Variants in DPH6 observed in about 807,000 individuals in gnomAD.
DPH6 encodes the protein diphthine--ammonia ligase.
Under a neutral mutation model 38.2 loss-of-function variants are expected in DPH6, and 33 were observed. That is an observed-to-expected ratio of 0.86 (90% CI 0.65 to 1.15). The LOEUF is 1.15. Among genes scored for constraint, DPH6 ranks in the 50% most tolerant of loss-of-function variants. The pLI is 0.00. For synonymous variants in DPH6, 108 were observed against 103.0 expected (o/e 1.05, Z -0.30); for missense variants, 325 against 320.0 (o/e 1.02, Z -0.12).
intron 3 of DPH6, among the ~76,000 whole-genome samples, chr15:35,319,569 C>T (rs1422410873): frequency 3.9e-5 from 6 of 151,906 alleles, no homozygotes; most frequent in African/African-American, 1.2e-4. Flanking sequence ...GGAGAAACCC[C>T]GTCTCCACTA....
At chr15:35,361,562 T>C (rs1213084195) in intron 3 of DPH6, among the ~76,000 whole-genome samples, 2 of 152,002 alleles carry the variant, frequency 1.3e-5, no homozygotes, top group African/African-American at 2.4e-5. Flanking sequence ...ACTGTATAGA[T>C]TGGTCTGCTT....
intron 3 of DPH6, among the ~76,000 whole-genome samples, chr15:35,225,990 T>C (rs1433352067): frequency 1.3e-5 from 2 of 152,216 alleles, no homozygotes; most frequent in South Asian, 2.1e-4. Flanking sequence ...CATGTGCCTA[T>C]AGTAGCAGCT....
At chr15:35,193,298 C>G in the DPH6 span, among the ~76,000 whole-genome samples, 3 of 151,740 alleles carry the variant, frequency 2.0e-5, no homozygotes, top group Admixed American at 2.0e-4. Context: ...TGATTGTCAA[C>G]TTTACAAAAA....
intron 3 of DPH6, among the ~76,000 whole-genome samples, chr15:35,255,916 A>G (rs115039768): frequency 1.3e-5 from 2 of 152,300 alleles, no homozygotes; most frequent in African/African-American, 4.8e-5. Flanking sequence ...CACACACATC[A>G]TATGTGCACA....
At chr15:35,382,830 A>C in intron 6 of DPH6, among the ~76,000 whole-genome samples, 1 of 151,948 alleles carries the variant, frequency 6.6e-6, no homozygotes, top group East Asian at 1.9e-4. Context: ...AAATTTGTCT[A>C]ATCAAACCTG....
intron 3 of DPH6, among the ~76,000 whole-genome samples, chr15:35,340,333 C>T (rs2052411029): frequency 6.6e-6 from 1 of 152,126 alleles, no homozygotes; most frequent in Admixed American, 6.6e-5. Flanking sequence ...GTTTGTCCAA[C>T]TTGCCATTCT....
intron 3 of DPH6, among the ~76,000 whole-genome samples, chr15:35,510,255 T>A (rs2054750597): frequency 6.6e-6 from 1 of 152,100 alleles, no homozygotes; most frequent in South Asian, 2.1e-4. Flanking sequence ...GATGGTCACA[T>A]TTGACTATTG....
intron 3 of DPH6, chr15:35,489,292 GA>G: frequency 1.0e-6 from 1 of 976,304 alleles, no homozygotes; most frequent in Non-Finnish European, 1.2e-6. Context: ...AAAGAAAATG[GA>G]AAGGATAAGC....
intron 3 of DPH6, chr15:35,237,998 C>A: frequency 6.7e-7 from 1 of 1,492,486 alleles, no homozygotes; most frequent in Non-Finnish European, 9.3e-7. Context: ...AGAAGAGCTC[C>A]GTGAAGAAGA....
intron 3 of DPH6, among the ~76,000 whole-genome samples, chr15:35,250,871 G>T (rs913787657): frequency 6.6e-6 from 1 of 152,060 alleles, no homozygotes; most frequent in Middle Eastern, 3.2e-3. Context: ...ACTGTATATG[G>T]CATTTACATT....
At chr15:35,334,548 C>T (rs2052352662) in intron 3 of DPH6, among the ~76,000 whole-genome samples, 1 of 151,992 alleles carries the variant, frequency 6.6e-6, no homozygotes, top group Admixed American at 6.6e-5. Context: ...TAATGCTTTC[C>T]CTACCCCTAC....
chr15:35,187,740 C>T, the DPH6 span, among the ~76,000 whole-genome samples: 1 of 152,312 alleles, frequency 6.6e-6, no homozygotes, highest in Admixed American at 6.5e-5. Context: ...AATCCCAACA[C>T]TTCGGGAGGC....
the DPH6 span, among the ~76,000 whole-genome samples, chr15:35,173,284 T>TA: frequency 6.6e-6 from 1 of 152,240 alleles, no homozygotes; most frequent in African/African-American, 2.4e-5. Flanking sequence ...AACTGGGTCT[T>TA]ACCTTTGTCT....
rs12441407 is a variant in DPH6 at position 35,321,952 on chromosome 15, T to A, written n.200+51569A>T. 0.026 allele frequency among the ~76,000 whole-genome samples: 3,993 copies of A among 151,902 alleles called. 325 individuals are homozygous for A. In the East Asian group the frequency reaches 0.32, roughly 12 times the overall value. On this transcript the variant is annotated intron_variant and non_coding_transcript_variant, in intron 3 of 3. Transcript: ENST00000560386. The stretch of plus-strand genomic sequence containing the variant: ...CTCTCCAAAGACTCAGGGGTTAGGG[T>A]TTTTATGGAGAATTTAGTGGTCAGG...
chr15:35,470,012 A>G (rs1247282871), intron 3 of DPH6, among the ~76,000 whole-genome samples: 1 of 152,178 alleles, frequency 6.6e-6, no homozygotes, highest in Non-Finnish European at 1.5e-5. Flanking sequence ...AGCCTGGCCA[A>G]CATGGCGAAA....
chr15:35,264,096 GT>G (rs35083341), intron 3 of DPH6, among the ~76,000 whole-genome samples: 72,367 of 146,586 alleles, frequency 0.49, 21,509 homozygotes, highest in Non-Finnish European at 0.66. Context: ...TTTAAGCCTT[GT>G]TTTTTTTTTT....
At chr15:35,342,906 A>G (rs1191561855) in intron 3 of DPH6, among the ~76,000 whole-genome samples, 1 of 152,170 alleles carries the variant, frequency 6.6e-6, no homozygotes, top group African/African-American at 2.4e-5. Context: ...TAGTCCTGAA[A>G]CTGGCTTTAA....
chr15:35,360,602 G>A (rs138407162), intron 3 of DPH6, among the ~76,000 whole-genome samples: 35 of 152,310 alleles, frequency 2.3e-4, no homozygotes, highest in Non-Finnish European at 4.6e-4. Flanking sequence ...CTGCCCCCAG[G>A]CCATAGCAGA....
At chr15:35,370,386 T>G (rs891531204), downstream of DPH6, among the ~76,000 whole-genome samples, 1 of 151,710 alleles carries the variant, frequency 6.6e-6, no homozygotes, top group Non-Finnish European at 1.5e-5. Context: ...AAGACACTGT[T>G]AAGAGAATGA....
Sources: gnomAD v4.1 joint callset for allele counts (sites outside exome capture counted in the v4.1 genomes callset) on GRCh38, gnomAD v4.1.1 for gene constraint, MANE v1.5 for transcripts, NCBI Gene and HGNC (gene_info 2026-07-23, HGNC 2026-07-21) for gene names.